Variants in NCKAP1L observed in about 807,000 individuals in gnomAD.
NCKAP1L encodes the protein NCK associated protein 1 like.
NCKAP1L carries 53 observed loss-of-function variants against 139.2 expected under a neutral mutation model. That is an observed-to-expected ratio of 0.38 (90% CI 0.31 to 0.48). NCKAP1L has a LOEUF of 0.48. Among genes scored for constraint, NCKAP1L ranks in the 20% least tolerant of loss-of-function variants. NCKAP1L has a pLI of 0.98. For synonymous variants in NCKAP1L, 468 were observed against 499.7 expected (o/e 0.94, Z 0.85); for missense variants, 1,151 against 1,381.9 (o/e 0.83, Z 2.65).
chr12:54,506,785 T>TAAAAA lies in NCKAP1L; in HGVS notation c.307-1060_307-1056dup, dbSNP rs1291340610. 1.5e-3 allele frequency among the ~76,000 whole-genome samples: 90 copies of TAAAAA among 60,334 alleles called. 4 individuals carry two copies. Among genetic ancestry groups the TAAAAA allele is most frequent in the African/African-American group, 4.1e-3 (54 of 13,162 alleles). 39.6% of individuals were successfully genotyped at this position (60,334 alleles called of 152,430 possible). On this transcript the variant is annotated intron_variant, in intron 3 of 30. Transcript: ENST00000293373. ...CTGTTCAAATCTTTTGGCAACATAT[T>TAAAAA]AAAAAAAAAAAATATATATATATAT...
intron 18 of NCKAP1L, among the ~76,000 whole-genome samples, chr12:54,522,167 C>A (rs1956989086): frequency 6.6e-6 from 1 of 152,048 alleles, no homozygotes; most frequent in African/African-American, 2.4e-5. Context: ...GGGAATGTCC[C>A]AGTTTAAGAG....
chr12:54,536,402 G>A (rs1053377238), intron 28 of NCKAP1L, 157 bp downstream of exon 28: 11 of 570,602 alleles, frequency 1.9e-5, no homozygotes, highest in Non-Finnish European at 2.2e-5. Flanking sequence ...GCTCATGCCT[G>A]TAATCCTAGC....
intron 3 of NCKAP1L, 127 bp from the exon 4 acceptor site, chr12:54,507,726 G>A: frequency 1.2e-6 from 1 of 834,414 alleles, no homozygotes. Flanking sequence ...TTTTCACAGT[G>A]ACTTTTCTCT....
intron 29 of NCKAP1L, among the ~76,000 whole-genome samples, chr12:54,537,375 A>G (rs997108709): frequency 3.9e-5 from 6 of 152,208 alleles, no homozygotes; most frequent in African/African-American, 1.4e-4. Flanking sequence ...GTATTTTCAT[A>G]TATAAAACAG....
At chr12:54,503,892 C>T (rs532364236) in intron 3 of NCKAP1L, among the ~76,000 whole-genome samples, 24 of 152,150 alleles carry the variant, frequency 1.6e-4, no homozygotes, top group African/African-American at 5.3e-4. Flanking sequence ...CCACCTGCCT[C>T]GGCCTCCCAA....
chr12:54,501,014 T>G (rs922870920), intron 3 of NCKAP1L: 12 of 166,048 alleles, frequency 7.2e-5, no homozygotes, highest in Admixed American at 4.3e-4. Context: ...CTTAACCATT[T>G]TTAAGTATAC....
intron 9 of NCKAP1L, among the ~76,000 whole-genome samples, chr12:54,513,503 T>C (rs2120907302): frequency 6.6e-6 from 1 of 152,252 alleles, no homozygotes; most frequent in South Asian, 2.1e-4. Flanking sequence ...CCTCTGTGTA[T>C]GTTGATATTT....
rs1956854991 is a variant in NCKAP1L, at chr12:54,507,853, G to C, written c.307G>C (p.Asp103His). The change falls in exon 4 of 31, where the codon GAT (aspartate) becomes CAT (histidine). Residue 103 changes from aspartate to histidine, a missense_variant and splice_region_variant. Asp to His is a moderately conservative substitution (Grantham distance 81). Transcript: ENST00000293373. ...QSFVDVMEFR[D>H]HVYELLNTID... ...TTCTTGTCTTCACTTCCACCCCCAGGATCATGTATATGAACTTCTCAACAC... is the reference window on the plus strand; with the variant it reads ...TTCTTGTCTTCACTTCCACCCCCAGCATCATGTATATGAACTTCTCAACAC... The C allele has an allele frequency of 1.9e-6, 3 of 1,613,428 alleles. No homozygotes were observed. The highest frequency in any genetic ancestry group is 1.1e-5 in the South Asian group (1 of 91,066).
chr12:54,516,768 T>A lies in NCKAP1L; in HGVS notation c.999-128T>A, dbSNP rs1956935143. 5.0e-6 allele frequency: 4 copies of A among 793,372 alleles called. No homozygotes were observed. The South Asian group carries it at 6.4e-5, about 13-fold the overall frequency. 49.1% of individuals were successfully genotyped at this position (793,372 alleles called of 1,614,324 possible). A position where few individuals can be genotyped will look rare whatever the true frequency, so the allele number is the denominator to read the frequency against. On this transcript the variant is annotated intron_variant, in intron 10 of 30. Transcript: ENST00000293373. ...GCCCTTTTTTCTTTTTTAAACCAAG[T>A]CTAACTTGAGCATTGAACCTTCCTT... is the stretch of plus-strand genomic sequence containing the variant.
chr12:54,543,557 C>G lies in NCKAP1L; in HGVS notation c.*872C>G, dbSNP rs533010601. On this transcript the variant is annotated 3_prime_UTR_variant, in exon 31 of 31. Transcript: ENST00000293373. ...GGGAGGGACTAATTTAACCCCAAATCCTTTTGTCAGCCTGGGTATAGCTGT... is the reference window on the plus strand; with the variant it reads ...GGGAGGGACTAATTTAACCCCAAATGCTTTTGTCAGCCTGGGTATAGCTGT... 1 of 152,270 alleles carries G rather than the reference C, an allele frequency of 6.6e-6. No individual in the cohort carries two copies. The highest frequency in any genetic ancestry group is 2.4e-5 in the African/African-American group (1 of 41,548). The allele number at this position is 152,270 out of a possible 1,614,324, so 9.4% of individuals were successfully genotyped here.
At chr12:54,542,478 A>G in intron 30 of NCKAP1L, 97 bp from the exon 31 acceptor site, 1 of 857,584 alleles carries the variant, frequency 1.2e-6, no homozygotes, top group South Asian at 1.5e-5. Flanking sequence ...TGTAACTCTC[A>G]GGGCCTCAGA....
At chr12:54,523,755 C>G (rs555451439) in intron 19 of NCKAP1L, 70 bp from the exon 20 acceptor site, 23 of 1,557,366 alleles carry the variant, frequency 1.5e-5, no homozygotes, top group Middle Eastern at 1.8e-4. Context: ...GGGTCATGGG[C>G]CCAACACGTC....
chr12:54,542,067 T>C (rs147111172), intron 30 of NCKAP1L, among the ~76,000 whole-genome samples: 95 of 152,150 alleles, frequency 6.2e-4, no homozygotes, highest in African/African-American at 2.2e-3. Context: ...TCATGCCTGC[T>C]CCTTTATGCG....
chr12:54,531,189 C>G, intron 22 of NCKAP1L, 71 bp from the exon 23 acceptor site: 1 of 1,153,918 alleles, frequency 8.7e-7, no homozygotes, highest in East Asian at 2.3e-5. Flanking sequence ...ATTCAAATTA[C>G]CCTATAGCTG....
chr12:54,500,910 G>T, intron 3 of NCKAP1L: 1 of 241,432 alleles, frequency 4.1e-6, no homozygotes, highest in Non-Finnish European at 8.1e-6. Context: ...CTACCTTTGG[G>T]GACTGATTAT....
At chr12:54,504,442 G>T (rs1400393912) in intron 3 of NCKAP1L, among the ~76,000 whole-genome samples, 4 of 152,168 alleles carry the variant, frequency 2.6e-5, no homozygotes, top group African/African-American at 7.2e-5. Flanking sequence ...CAAGAGGGTA[G>T]GTGCTGGTGG....
intron 7 of NCKAP1L, among the ~76,000 whole-genome samples, 157 bp from the exon 8 acceptor site, chr12:54,511,646 A>G (rs76705315): frequency 3.9e-5 from 6 of 152,342 alleles, no homozygotes; most frequent in African/African-American, 1.4e-4. Context: ...GCCTCAAGCT[A>G]TCCTCCTGCC....
intron 12 of NCKAP1L, 64 bp downstream of exon 12, chr12:54,517,706 T>C: frequency 3.2e-6 from 5 of 1,585,568 alleles, no homozygotes; most frequent in Non-Finnish European, 4.3e-6. Context: ...AGGCATCAGA[T>C]GACCTTAGGA....
At chr12:54,525,529 G>A (rs1319873943) in intron 20 of NCKAP1L, among the ~76,000 whole-genome samples, 3 of 152,156 alleles carry the variant, frequency 2.0e-5, no homozygotes, top group Non-Finnish European at 4.4e-5. Context: ...TGACATTCAA[G>A]TTTTACCCGA....
Sources: gnomAD v4.1 joint callset for allele counts (sites outside exome capture counted in the v4.1 genomes callset) on GRCh38, gnomAD v4.1.1 for gene constraint, MANE v1.5 for transcripts, NCBI Gene and HGNC (gene_info 2026-07-23, HGNC 2026-07-21) for gene names.